Variants in MALRD1 observed in about 807,000 individuals in gnomAD.
The protein encoded by MALRD1 is MAM and LDL-receptor class A domain-containing protein 1.
MALRD1 carries 247 observed loss-of-function variants against 242.1 expected under a neutral mutation model. That is an observed-to-expected ratio of 1.02 (90% CI 0.92 to 1.13). The LOEUF is 1.13. MALRD1 is among the 50% of genes most tolerant of loss of function. MALRD1 has a pLI of 0.00. For missense variants in MALRD1, 2,989 were observed against 2,533.1 expected (o/e 1.18, Z -3.86); for synonymous variants, 995 against 866.6 (o/e 1.15, Z -2.60).
At chr10:19,418,147 CTCTA>C (rs576004071) in intron 28 of MALRD1, among the ~76,000 whole-genome samples, 186 of 152,070 alleles carry the variant, frequency 1.2e-3, no homozygotes, top group African/African-American at 3.2e-3. Context: ...ATTGACCTGT[CTCTA>C]TCTATCTATC....
chr10:19,580,770 T>C (rs559365613), intron 33 of MALRD1, among the ~76,000 whole-genome samples: 1 of 152,304 alleles, frequency 6.6e-6, no homozygotes, highest in South Asian at 2.1e-4. Flanking sequence ...AGCTTCCATA[T>C]TGGACATAAG....
At chr10:19,332,977 A>ACATTAGGT (rs1412780134) in intron 24 of MALRD1, among the ~76,000 whole-genome samples, 4 of 152,068 alleles carry the variant, frequency 2.6e-5, no homozygotes, top group Non-Finnish European at 5.9e-5. Context: ...GCACCCATCA[A>ACATTAGGT]CATTAGGTGT....
chr10:19,140,131 A>T (rs1482124783), intron 10 of MALRD1, among the ~76,000 whole-genome samples: 3 of 152,174 alleles, frequency 2.0e-5, no homozygotes, highest in Non-Finnish European at 4.4e-5. Flanking sequence ...TCATTAAATG[A>T]AATATTCCCC....
intron 29 of MALRD1, among the ~76,000 whole-genome samples, chr10:19,470,664 A>G (rs1298881543): frequency 2.0e-5 from 3 of 151,818 alleles, no homozygotes; most frequent in Admixed American, 2.0e-4. Context: ...TTTGATTTGT[A>G]TTTCTCTAAT....
At chr10:19,670,867 A>C (rs1841884267) in intron 36 of MALRD1, among the ~76,000 whole-genome samples, 1 of 151,284 alleles carries the variant, frequency 6.6e-6, no homozygotes, top group African/African-American at 2.4e-5. Context: ...TTTATTTCTC[A>C]ACAAAACAAT....
At chr10:19,244,976 G>C (rs1045609962) in intron 18 of MALRD1, among the ~76,000 whole-genome samples, 1 of 152,144 alleles carries the variant, frequency 6.6e-6, no homozygotes, top group African/African-American at 2.4e-5. Context: ...TAGTATCTTA[G>C]ATGACGTTAA....
intron 33 of MALRD1, among the ~76,000 whole-genome samples, chr10:19,574,395 A>T (rs749306888): frequency 1.3e-5 from 2 of 152,220 alleles, no homozygotes; most frequent in Non-Finnish European, 2.9e-5. Flanking sequence ...TCACTATCAG[A>T]TGAATTTATA....
chr10:19,524,312 C>A (rs766017584), intron 31 of MALRD1, among the ~76,000 whole-genome samples: 1 of 152,002 alleles, frequency 6.6e-6, no homozygotes, highest in Non-Finnish European at 1.5e-5. Context: ...CCTGTCTCTA[C>A]TAAAAATACA....
chr10:19,096,564 A>G (rs1226118515), intron 4 of MALRD1, among the ~76,000 whole-genome samples: 1 of 152,092 alleles, frequency 6.6e-6, no homozygotes, highest in Non-Finnish European at 1.5e-5. Context: ...GCAGATGTTC[A>G]TTTGCTTTTG....
At chr10:19,561,659 C>T (rs185977510) in intron 32 of MALRD1, among the ~76,000 whole-genome samples, 1 of 151,908 alleles carries the variant, frequency 6.6e-6, no homozygotes, top group East Asian at 1.9e-4. Context: ...GATTAGGTCT[C>T]AGTCTTTTAG....
chr10:19,732,020 C>T (rs1047116059), intron 39 of MALRD1, among the ~76,000 whole-genome samples: 1 of 152,022 alleles, frequency 6.6e-6, no homozygotes, highest in African/African-American at 2.4e-5. Context: ...ATATGATACA[C>T]ACTTTTAGTA....
At chr10:19,193,282 T>C (rs185761454) in intron 14 of MALRD1, among the ~76,000 whole-genome samples, 21 of 152,194 alleles carry the variant, frequency 1.4e-4, no homozygotes, top group Non-Finnish European at 1.0e-4. Flanking sequence ...CAAGCCAGGC[T>C]CAGTGGCTCA....
At chr10:19,393,713 C>T (rs1426141528) in intron 28 of MALRD1, among the ~76,000 whole-genome samples, 1 of 151,704 alleles carries the variant, frequency 6.6e-6, no homozygotes, top group African/African-American at 2.4e-5. Context: ...ACCTTGGCCT[C>T]CCAAAGTGCT....
intron 28 of MALRD1, among the ~76,000 whole-genome samples, chr10:19,390,003 C>T (rs1846269544): frequency 6.6e-6 from 1 of 152,086 alleles, no homozygotes; most frequent in Non-Finnish European, 1.5e-5. Flanking sequence ...GTTGACTTGG[C>T]TAGAGAAGGC....
chr10:19,506,446 T>G (rs1452807718), intron 31 of MALRD1, among the ~76,000 whole-genome samples: 1 of 152,242 alleles, frequency 6.6e-6, no homozygotes, highest in East Asian at 1.9e-4. Flanking sequence ...TCTCATGTAC[T>G]TAGAATGAAA....
chr10:19,270,503 G>A (rs1013322716), intron 19 of MALRD1, among the ~76,000 whole-genome samples: 4 of 151,932 alleles, frequency 2.6e-5, no homozygotes, highest in African/African-American at 7.3e-5. Context: ...CTTAAAAAGG[G>A]GAAATCTCCA....
intron 29 of MALRD1, among the ~76,000 whole-genome samples, chr10:19,457,121 A>T (rs376170385): frequency 8.5e-5 from 13 of 152,318 alleles, no homozygotes; most frequent in African/African-American, 3.1e-4. Flanking sequence ...TAAGACTCTG[A>T]AAAATTGAAA....
intron 29 of MALRD1, among the ~76,000 whole-genome samples, chr10:19,486,918 G>A (rs1837261400): frequency 6.6e-6 from 1 of 152,062 alleles, no homozygotes; most frequent in African/African-American, 2.4e-5. Context: ...ATCTACAGTA[G>A]ATTAGTCCTA....
At chr10:19,652,098 A>G (rs7087709) in intron 36 of MALRD1, among the ~76,000 whole-genome samples, 16,734 of 152,114 alleles carry the variant, frequency 0.11, 2,367 homozygotes, top group African/African-American at 0.33. Flanking sequence ...GTGACCATGA[A>G]GCATCACTGG....
Sources: gnomAD v4.1 joint callset for allele counts (sites outside exome capture counted in the v4.1 genomes callset) on GRCh38, gnomAD v4.1.1 for gene constraint, MANE v1.5 for transcripts, NCBI Gene and HGNC (gene_info 2026-07-23, HGNC 2026-07-21) for gene names.